The following CDH18 variants were observed in gnomAD, a reference collection of about 807,000 sequenced individuals.
The protein encoded by CDH18 is cadherin 18, also known as cadherin-18.
In CDH18, 31 loss-of-function variants were observed where a neutral mutation model predicts 67.9. The ratio of observed to expected loss-of-function variants is 0.46; its 90% confidence interval spans 0.34 to 0.62. The LOEUF is 0.62. CDH18 is among the 20% of genes least tolerant of loss of function. CDH18 has a pLI of 0.01. For synonymous variants in CDH18, 362 were observed against 347.2 expected (o/e 1.04, Z -0.48); for missense variants, 890 against 975.5 (o/e 0.91, Z 1.17).
intron 1 of CDH18, among the ~76,000 whole-genome samples, chr5:20,529,184 A>G (rs894061599): frequency 6.6e-6 from 1 of 151,954 alleles, no homozygotes; most frequent in Non-Finnish European, 1.5e-5. Flanking sequence ...CCCTCTCAAG[A>G]CTGAACTAGG....
chr5:20,334,499 C>T (rs553422259), intron 1 of CDH18, among the ~76,000 whole-genome samples: 4 of 151,870 alleles, frequency 2.6e-5, no homozygotes, highest in South Asian at 2.1e-4. Flanking sequence ...ATGATTCAGA[C>T]GATGTTTAAA....
intron 2 of CDH18, among the ~76,000 whole-genome samples, chr5:19,855,352 A>G (rs552825185): frequency 1.8e-4 from 28 of 152,242 alleles, no homozygotes; most frequent in African/African-American, 6.3e-4. Flanking sequence ...ATAGCCATTT[A>G]TATCTCCTTC....
intron 2 of CDH18, among the ~76,000 whole-genome samples, chr5:20,107,408 TCTTAAACAACCAG>T (rs1747057421): frequency 6.6e-6 from 1 of 152,178 alleles, no homozygotes; most frequent in Non-Finnish European, 1.5e-5. Flanking sequence ...GAAATCAAAT[TCTTAAACAACCAG>T]CTTGTCCCTA....
intron 5 of CDH18, among the ~76,000 whole-genome samples, chr5:19,697,852 T>C (rs1762734149): frequency 6.6e-6 from 1 of 152,130 alleles, no homozygotes; most frequent in African/African-American, 2.4e-5. Context: ...TAAGTGTTCA[T>C]AGTGCCTGCC....
chr5:19,510,272 G>T (rs1297152626), intron 10 of CDH18, among the ~76,000 whole-genome samples: 1 of 152,046 alleles, frequency 6.6e-6, no homozygotes, highest in South Asian at 2.1e-4. Flanking sequence ...TGAAACTAAA[G>T]AATACAGATT....
intron 11 of CDH18, among the ~76,000 whole-genome samples, chr5:19,488,371 G>C (rs1410588561): frequency 6.6e-6 from 1 of 152,088 alleles, no homozygotes; most frequent in Non-Finnish European, 1.5e-5. Flanking sequence ...TTTATTTCAA[G>C]CATAGCCTGC....
chr5:20,554,636 T>C (rs544296852), intron 1 of CDH18, among the ~76,000 whole-genome samples: 1 of 152,306 alleles, frequency 6.6e-6, no homozygotes, highest in African/African-American at 2.4e-5. Context: ...TTTCTCTCAC[T>C]CCATGTGCTT....
At chr5:20,140,426 C>T (rs1222632845) in intron 2 of CDH18, among the ~76,000 whole-genome samples, 1 of 151,968 alleles carries the variant, frequency 6.6e-6, no homozygotes, top group Non-Finnish European at 1.5e-5. Context: ...TGTAAGAAAC[C>T]TGCACATTGT....
chr5:19,830,194 C>G (rs1206621885), intron 3 of CDH18, among the ~76,000 whole-genome samples: 1 of 152,040 alleles, frequency 6.6e-6, no homozygotes, highest in East Asian at 1.9e-4. Flanking sequence ...CAAATGGGAC[C>G]TAGTTAAACT....
intron 1 of CDH18, among the ~76,000 whole-genome samples, chr5:20,486,035 C>G (rs1753149352): frequency 6.6e-6 from 1 of 152,038 alleles, no homozygotes; most frequent in South Asian, 2.1e-4. Flanking sequence ...CTGGATGATC[C>G]CGATTATGAA....
chr5:19,824,615 T>A (rs543377633), intron 3 of CDH18, among the ~76,000 whole-genome samples: 3 of 152,076 alleles, frequency 2.0e-5, no homozygotes, highest in African/African-American at 7.2e-5. Context: ...CAGCACCATA[T>A]CCCCCGTAGA....
intron 3 of CDH18, among the ~76,000 whole-genome samples, chr5:19,787,176 T>C (rs2149801082): frequency 6.6e-6 from 1 of 152,272 alleles, no homozygotes; most frequent in East Asian, 1.9e-4. Context: ...CTCAGAGTCA[T>C]TTTATTTTTG....
chr5:19,784,147 T>G (rs1775443479), intron 3 of CDH18, among the ~76,000 whole-genome samples: 1 of 152,152 alleles, frequency 6.6e-6, no homozygotes, highest in Admixed American at 6.5e-5. Context: ...CTTTTAGAAA[T>G]GTATAGCCTA....
chr5:20,558,775 C>T (rs1443861364), intron 1 of CDH18, among the ~76,000 whole-genome samples: 2 of 151,828 alleles, frequency 1.3e-5, no homozygotes, highest in African/African-American at 4.8e-5. Context: ...GACAATCATG[C>T]AATTCAGAAG....
intron 5 of CDH18, among the ~76,000 whole-genome samples, chr5:19,663,999 G>C (rs1031061469): frequency 1.3e-5 from 2 of 151,724 alleles, no homozygotes; most frequent in Non-Finnish European, 2.9e-5. Context: ...TTATATAACA[G>C]TAGAGTACAT....
chr5:19,494,794 T>G (rs778636044), intron 11 of CDH18, among the ~76,000 whole-genome samples: 59 of 152,324 alleles, frequency 3.9e-4, no homozygotes, highest in Non-Finnish European at 7.5e-4. Flanking sequence ...CCTGTAAATC[T>G]CAAAGTCTCT....
chr5:20,101,521 G>A (rs563587199), intron 2 of CDH18, among the ~76,000 whole-genome samples: 2 of 152,214 alleles, frequency 1.3e-5, no homozygotes, highest in South Asian at 2.1e-4. Flanking sequence ...CATAAGAAAC[G>A]CTGCTAATTT....
intron 1 of CDH18, among the ~76,000 whole-genome samples, chr5:20,310,067 A>G (rs1233965273): frequency 1.3e-5 from 2 of 152,158 alleles, no homozygotes; most frequent in East Asian, 1.9e-4. Context: ...AAAAAAACCT[A>G]GTTGTGAATT....
At chr5:19,913,754 G>T (rs1791421961) in intron 2 of CDH18, among the ~76,000 whole-genome samples, 1 of 152,084 alleles carries the variant, frequency 6.6e-6, no homozygotes, top group Non-Finnish European at 1.5e-5. Context: ...CTCTAGAGAA[G>T]CATCTGAAAT....
Sources: gnomAD v4.1 joint callset for allele counts (sites outside exome capture counted in the v4.1 genomes callset) on GRCh38, gnomAD v4.1.1 for gene constraint, MANE v1.5 for transcripts, NCBI Gene and HGNC (gene_info 2026-07-23, HGNC 2026-07-21) for gene names.